The following CLDND2 variants were observed in gnomAD, a reference collection of about 807,000 sequenced individuals.
The protein encoded by CLDND2 is claudin domain containing 2.
In CLDND2, 18 loss-of-function variants were observed where a neutral mutation model predicts 17.7. The observed-to-expected ratio is 1.02, with a 90% CI of 0.70 to 1.51. The LOEUF is 1.51. CLDND2 is among the 40% of genes most tolerant of loss of function. The probability of loss-of-function intolerance (pLI) is 0.00; values close to 1 mark genes in which losing one functional copy is unlikely to be tolerated. For synonymous variants in CLDND2, 113 were observed against 93.0 expected (o/e 1.22, Z -1.24); for missense variants, 233 against 219.6 (o/e 1.06, Z -0.39).
Position 51,368,034 on chromosome 19 carries a change from G to C in CLDND2, c.170-8C>G, listed in dbSNP as rs763417933. 1 of 1,601,270 alleles carries C rather than the reference G, an allele frequency of 6.2e-7. No individual in the cohort carries two copies. The highest frequency in any genetic ancestry group is 8.5e-7 in the Non-Finnish European group (1 of 1,175,100). Reference sequence around the variant, plus strand: ...CAGTCACCGCCAGCGTGGCTGGGGAGAGCGGGCGCATCAGCCCCCGCGGGC... The same window carrying C: ...CAGTCACCGCCAGCGTGGCTGGGGACAGCGGGCGCATCAGCCCCCGCGGGC... On this transcript the variant is annotated splice_polypyrimidine_tract_variant and splice_region_variant and intron_variant, in intron 1 of 3. Transcript: ENST00000291715.
At position 51,367,760 on chromosome 19, in the gene CLDND2, C is replaced by A; in HGVS notation, c.310+126G>T. 6.8e-7 allele frequency: 1 copy of A among 1,479,958 alleles called. No homozygotes were observed. Among genetic ancestry groups the A allele is most frequent in the South Asian group, 1.3e-5 (1 of 74,562 alleles). The allele number at this position is 1,479,958 out of a possible 1,614,324, so 91.7% of individuals were successfully genotyped here. On this transcript the variant is annotated intron_variant, in intron 2 of 3. Coordinates refer to ENST00000291715, the MANE Select transcript of CLDND2 (RefSeq NM_152353.3). This position sits in a 1 kb window ranked among gnomAD's most constrained non-coding sequence, Gnocchi z 7.4. Reference sequence around the variant, plus strand: ...TGTCTCGAGCCCCGCCCACCTCTCTCGGCTTCTTCCAGCCCTGCCCCTCGG... The same window carrying A: ...TGTCTCGAGCCCCGCCCACCTCTCTAGGCTTCTTCCAGCCCTGCCCCTCGG...
chr19:51,367,797 G>C lies in CLDND2; in HGVS notation c.310+89C>G. On this transcript the variant is annotated intron_variant, in intron 2 of 3. Coordinates refer to ENST00000291715, the MANE Select transcript of CLDND2 (RefSeq NM_152353.3). The surrounding 1 kb of genome is among the most constrained non-coding windows in gnomAD (Gnocchi z 7.4). ...GCCCTGCCCCTCGGATCCTGGCCGA[G>C]TACCTCAAGCCCCTCCCCTGGCGAC... The C allele has an allele frequency of 1.3e-6, 2 of 1,521,528 alleles. No individual in the cohort carries two copies. Among genetic ancestry groups the C allele is most frequent in the Admixed American group, 2.1e-5 (1 of 48,006 alleles). The allele number at this position is 1,521,528 out of a possible 1,614,324, so 94.3% of individuals were successfully genotyped here. A position where few individuals can be genotyped will look rare whatever the true frequency, so the allele number is the denominator to read the frequency against.
At position 51,367,775 on chromosome 19, in the gene CLDND2, C is replaced by T. The variant is rs1286955728; in HGVS notation, c.310+111G>A. ...CCACCTCTCTCGGCTTCTTCCAGCC[C>T]TGCCCCTCGGATCCTGGCCGAGTAC... On this transcript the variant is annotated intron_variant, in intron 2 of 3. Transcript: ENST00000291715. This position sits in a 1 kb window ranked among gnomAD's most constrained non-coding sequence, Gnocchi z 7.4. The T allele has an allele frequency of 2.7e-6, 4 of 1,492,724 alleles. No individual in the cohort carries two copies. Among genetic ancestry groups the T allele is most frequent in the Non-Finnish European group, 3.6e-6 (4 of 1,124,866 alleles). The allele number at this position is 1,492,724 out of a possible 1,614,324, so 92.5% of individuals were successfully genotyped here. A position where few individuals can be genotyped will look rare whatever the true frequency, so the allele number is the denominator to read the frequency against.
chr19:51,367,099 C>G lies in CLDND2; in HGVS notation c.*43G>C. The G allele has an allele frequency of 6.3e-7, 1 of 1,599,434 alleles. No homozygotes were observed. Among genetic ancestry groups the G allele is most frequent in the South Asian group, 1.1e-5 (1 of 90,790 alleles). ...CAGAAAAGCACGCGGAGCCGCAGCG[C>G]TAAAAAAAGCCGTTCCTTTATTCTG... is the stretch of plus-strand genomic sequence containing the variant. On this transcript the variant is annotated 3_prime_UTR_variant, in exon 4 of 4. Transcript: ENST00000291715. The surrounding 1 kb of genome is among the most constrained non-coding windows in gnomAD (Gnocchi z 7.4).
rs367589080 is a variant in CLDND2 at position 51,368,660 on chromosome 19, G to A, written c.-83C>T. ...CCCGAGGCCCCCAGCTGAGGAGCCC[G>A]CTTCCTCCACACTCCTCCCCTGGTA... On this transcript the variant is annotated 5_prime_UTR_variant, in exon 1 of 4. Coordinates refer to ENST00000291715, the MANE Select transcript of CLDND2 (RefSeq NM_152353.3). 58 of 1,252,870 alleles carry A rather than the reference G, an allele frequency of 4.6e-5. 1 individual carries two copies. The highest frequency in any genetic ancestry group is 1.0e-4 in the East Asian group (4 of 38,838). 77.6% of individuals were successfully genotyped at this position (1,252,870 alleles called of 1,614,324 possible). A position where few individuals can be genotyped will look rare whatever the true frequency, so the allele number is the denominator to read the frequency against.
At chr19:51,368,050 C>T (rs1208556542) in intron 1 of CLDND2, 24 bp from the exon 2 acceptor site, 2 of 1,579,842 alleles carry the variant, frequency 1.3e-6, no homozygotes, top group Non-Finnish European at 1.7e-6. Context: ...GCGCATCAGC[C>T]CCCGCGGGCG....
rs1384240552 is a variant in CLDND2, at chr19:51,368,620, C to T, written c.-43G>A. On this transcript the variant is annotated 5_prime_UTR_variant, in exon 1 of 4. Transcript: ENST00000291715. ...CGGGGGCCACAAGGGCAGGATGGGCCCAGGCCTTTCCTACCCCGAGGCCCC... is the reference window on the plus strand; with the variant it reads ...CGGGGGCCACAAGGGCAGGATGGGCTCAGGCCTTTCCTACCCCGAGGCCCC... 6.4e-7 allele frequency: 1 copy of T among 1,566,988 alleles called. No homozygotes were observed. The highest frequency in any genetic ancestry group is 8.7e-7 in the Non-Finnish European group (1 of 1,153,158).
At chr19:51,368,257 G>T in intron 1 of CLDND2, 152 bp downstream of exon 1, 1 of 1,035,304 alleles carries the variant, frequency 9.7e-7, no homozygotes, top group South Asian at 1.6e-5. Context: ...CACAAGTCGA[G>T]GGGCGGGGTT....
chr19:51,368,884 C>T lies in CLDND2; in HGVS notation c.-307G>A. 3.2e-6 allele frequency: 1 copy of T among 308,692 alleles called. No homozygotes were observed. Among genetic ancestry groups the T allele is most frequent in the East Asian group, 7.0e-5 (1 of 14,306 alleles). 19.1% of individuals were successfully genotyped at this position (308,692 alleles called of 1,614,324 possible). On this transcript the variant is annotated 5_prime_UTR_variant, in exon 1 of 4. Transcript: ENST00000291715. ...TCTTCCCAGAGACCTCCCCCGACAG[C>T]CGAACGCCCTTTCAGCCCAGCCTGT...
chr19:51,368,234 T>C (rs1555757429), intron 1 of CLDND2, 175 bp downstream of exon 1: 1 of 918,918 alleles, frequency 1.1e-6, no homozygotes, highest in Non-Finnish European at 1.6e-6. Context: ...GGGGAGGGGG[T>C]CGGGGACAAG....
In CLDND2 at chr19:51,368,548, C is replaced by T. The variant is rs1366435982; in HGVS notation, c.30G>A (p.Gly10=). MGVKRSLQS[G]GILLSLVANV... ...TGGCCACGAGGCTGAGCAGAATGCC[C>T]CCACTCTGGAGGCTCCGCTTCACCC... is the stretch of plus-strand genomic sequence containing the variant. Residue 10 remains glycine, a synonymous_variant, in exon 1 of 4, where the codon GGG becomes GGA. Transcript: ENST00000291715. 4 of 1,613,758 alleles carry T rather than the reference C, an allele frequency of 2.5e-6. No homozygotes were observed. Among genetic ancestry groups the T allele is most frequent in the African/African-American group, 2.7e-5 (2 of 75,044 alleles).
chr19:51,367,217 TG>T lies in CLDND2; in HGVS notation c.431-3del. ...TGTCTGCCAGCAGAAAGCAGAAGCCTGGGGGGACGGGGGTGCGGAGCAGGGA... is the reference window on the plus strand; with the variant it reads ...TGTCTGCCAGCAGAAAGCAGAAGCCTGGGGGACGGGGGTGCGGAGCAGGGA... On this transcript the variant is annotated splice_region_variant and splice_polypyrimidine_tract_variant and intron_variant, in intron 3 of 3. Coordinates refer to ENST00000291715, the MANE Select transcript of CLDND2 (RefSeq NM_152353.3). The surrounding 1 kb of genome is among the most constrained non-coding windows in gnomAD (Gnocchi z 7.4). 6.2e-7 allele frequency: 1 copy of T among 1,613,850 alleles called. No homozygotes were observed. The highest frequency in any genetic ancestry group is 8.5e-7 in the Non-Finnish European group (1 of 1,179,906).
chr19:51,367,956 T>C lies in CLDND2; in HGVS notation c.240A>G (p.Gly80=). 1 of 1,612,958 alleles carries C rather than the reference T, an allele frequency of 6.2e-7. No individual in the cohort carries two copies. The highest frequency in any genetic ancestry group is 2.2e-5 in the East Asian group (1 of 44,856). Residue 80 remains glycine, a synonymous_variant, in exon 2 of 4, where the codon GGA becomes GGG. Coordinates refer to ENST00000291715, the MANE Select transcript of CLDND2 (RefSeq NM_152353.3). The surrounding 1 kb of genome is among the most constrained non-coding windows in gnomAD (Gnocchi z 7.4). Reference sequence around the variant, plus strand: ...CGCCCTCGTCGCACCGAATCCGCAGTCCCATCACCATGCCCACCACGCCGA... The same window carrying C: ...CGCCCTCGTCGCACCGAATCCGCAGCCCCATCACCATGCCCACCACGCCGA... ...VGVGVVGMVM[G]LRIRCDEGES...
intron 1 of CLDND2, 43 bp downstream of exon 1, chr19:51,368,366 G>C (rs778919325): frequency 1.3e-6 from 2 of 1,573,034 alleles, no homozygotes; most frequent in Admixed American, 3.5e-5. Flanking sequence ...CGAGCCCTGG[G>C]GGTCTGAAAT....
rs1986529320 is a variant in CLDND2, at chr19:51,368,449, C to T, written c.129G>A (p.Gln43=). 6.2e-7 allele frequency: 1 copy of T among 1,613,848 alleles called. No individual in the cohort carries two copies. The highest frequency in any genetic ancestry group is 8.5e-7 in the Non-Finnish European group (1 of 1,179,992). The change falls in exon 1 of 4, where the codon CAG becomes CAA. Residue 43 remains glutamine (Q), a synonymous_variant. Coordinates refer to ENST00000291715, the MANE Select transcript of CLDND2 (RefSeq NM_152353.3). ...RQQEGHSGLW[Q]ECNHGICSSI... ...TGGAGCAGATGCCGTGGTTGCATTC[C>T]TGCCACAGGCCACTGTGGCCCTCTT... is the stretch of plus-strand genomic sequence containing the variant.
chr19:51,367,959 C>T lies in CLDND2; in HGVS notation c.237G>A (p.Met79Ile). The T allele has an allele frequency of 1.9e-6, 3 of 1,612,888 alleles. No individual in the cohort carries two copies. Among genetic ancestry groups the T allele is most frequent in the Non-Finnish European group, 2.5e-6 (3 of 1,179,544 alleles). Residue 79 changes from methionine (M) to isoleucine (I), a missense_variant, in exon 2 of 4, where the codon ATG (methionine) becomes ATA (isoleucine). Physicochemically the swap from Met to Ile is conservative, Grantham distance 10. Coordinates refer to ENST00000291715, the MANE Select transcript of CLDND2 (RefSeq NM_152353.3). The surrounding 1 kb of genome is among the most constrained non-coding windows in gnomAD (Gnocchi z 7.4). ...CCTCGTCGCACCGAATCCGCAGTCC[C>T]ATCACCATGCCCACCACGCCGACAC... ...AVGVGVVGMV[M>I]GLRIRCDEGE...
Position 51,368,759 on chromosome 19 carries a change from A to C in CLDND2, c.-182T>G, listed in dbSNP as rs1986549049. On this transcript the variant is annotated 5_prime_UTR_variant, in exon 1 of 4. Coordinates refer to ENST00000291715, the MANE Select transcript of CLDND2 (RefSeq NM_152353.3). ...CAACAACCCTGCCTGAGGATCCACAACCTCCTCCCTCCAGACCTCGTTCCC... is the reference window on the plus strand; with the variant it reads ...CAACAACCCTGCCTGAGGATCCACACCCTCCTCCCTCCAGACCTCGTTCCC... The C allele has an allele frequency of 1.7e-6, 1 of 574,654 alleles. No individual in the cohort carries two copies. Among genetic ancestry groups the C allele is most frequent in the Non-Finnish European group, 3.1e-6 (1 of 325,142 alleles). 35.6% of individuals were successfully genotyped at this position (574,654 alleles called of 1,614,324 possible).
Position 51,367,704 on chromosome 19 carries a change from G to A in CLDND2, c.311-128C>T, listed in dbSNP as rs1986465701. On this transcript the variant is annotated intron_variant, in intron 2 of 3. Coordinates refer to ENST00000291715, the MANE Select transcript of CLDND2 (RefSeq NM_152353.3). This position sits in a 1 kb window ranked among gnomAD's most constrained non-coding sequence, Gnocchi z 7.4. Reference sequence around the variant, plus strand: ...CGCCTCTCAGCCCGCCCCTGGCCCAGGCCCCTTCCTGCTCCTCCCGCTCTG... The same window carrying A: ...CGCCTCTCAGCCCGCCCCTGGCCCAAGCCCCTTCCTGCTCCTCCCGCTCTG... 2.7e-6 allele frequency: 4 copies of A among 1,486,834 alleles called. No homozygotes were observed. The highest frequency in any genetic ancestry group is 4.8e-5 in the Admixed American group (2 of 41,620). The allele number at this position is 1,486,834 out of a possible 1,614,324, so 92.1% of individuals were successfully genotyped here. A position where few individuals can be genotyped will look rare whatever the true frequency, so the allele number is the denominator to read the frequency against.
chr19:51,367,869 G>T lies in CLDND2; in HGVS notation c.310+17C>A, dbSNP rs781132777. The T allele has an allele frequency of 1.2e-6, 2 of 1,607,340 alleles. No individual in the cohort carries two copies. The highest frequency in any genetic ancestry group is 1.1e-5 in the South Asian group (1 of 90,824). ...GCCCGCCCCTGCCTGCCCGCCTGGG[G>T]CGGTCTGCAGTCTCACCGCCGAGGA... On this transcript the variant is annotated intron_variant, in intron 2 of 3. Transcript: ENST00000291715. The surrounding 1 kb of genome is among the most constrained non-coding windows in gnomAD (Gnocchi z 7.4).
Sources: allele counts gnomAD v4.1 joint callset, GRCh38; gene constraint gnomAD v4.1.1; non-coding constraint Gnocchi (gnomAD v3.1); transcripts MANE v1.5; gene names NCBI Gene and HGNC (gene_info 2026-07-23, HGNC 2026-07-21).